The following ADGRL1 variants were observed in gnomAD, a reference collection of about 807,000 sequenced individuals.
The protein encoded by ADGRL1 is adhesion G protein-coupled receptor L1, also known as CIRL-1.
ADGRL1 carries 31 observed loss-of-function variants against 148.9 expected under a neutral mutation model. The observed-to-expected ratio is 0.21, with a 90% CI of 0.16 to 0.28. The LOEUF (loss-of-function observed/expected upper bound fraction) is 0.28, where lower values mean the gene tolerates loss of function less well. ADGRL1 is among the 10% of genes least tolerant of loss of function. The probability of loss-of-function intolerance (pLI) is 1.00; values close to 1 mark genes in which losing one functional copy is unlikely to be tolerated. For synonymous variants in ADGRL1, 937 were observed against 900.3 expected, an observed-to-expected ratio of 1.04 and a Z score of -0.73; for missense variants, 1,521 against 2,058.8, an observed-to-expected ratio of 0.74 and a Z score of 5.05.
At chr19:14,174,775 A>G (rs1212022971) in intron 3 of ADGRL1, among the ~76,000 whole-genome samples, 1 of 149,146 alleles carries the variant, frequency 6.7e-6, no homozygotes, top group Non-Finnish European at 1.5e-5. Flanking sequence ...ACCTCAAGTG[A>G]TCCACCCGCC....
In ADGRL1 at chr19:14,152,853, G is replaced by A. The variant is rs757714064; in HGVS notation, c.3354C>T (p.Pro1118=). The change falls in exon 19 of 23, where the codon CCC becomes CCT. Residue 1118 remains proline, a synonymous_variant. Transcript: ENST00000361434. The surrounding 1 kb of genome is among the most constrained non-coding windows in gnomAD (Gnocchi z 6.1). Reference sequence around the variant, plus strand: ...TCTTGAGGGATCCGTGAGTGCCCCCGGGTGGGGAGCGGATGCAGCAGTAGG... The same window carrying A: ...TCTTGAGGGATCCGTGAGTGCCCCCAGGTGGGGAGCGGATGCAGCAGTAGG... ...RHSYCCIRSP[P]GGTHGSLKTS... The A allele has an allele frequency of 7.4e-6, 12 of 1,614,102 alleles. No individual in the cohort carries two copies. The South Asian group carries it at 8.8e-5, about 12-fold the overall frequency.
intron 3 of ADGRL1, among the ~76,000 whole-genome samples, chr19:14,172,616 G>A (rs1054731799): frequency 2.0e-5 from 3 of 151,046 alleles, no homozygotes; most frequent in East Asian, 2.0e-4. Context: ...GGGGCGCACC[G>A]GTAATCCCAG....
Position 14,163,298 on chromosome 19 carries a change from C to G in ADGRL1, c.503G>C (p.Arg168Pro). The G allele has an allele frequency of 6.2e-7, 1 of 1,613,330 alleles. No individual in the cohort carries two copies. The part of the protein sequence containing the change: ...WCKDPLQAGD[R>P]IYVMPWIPYR... ...GGGGATCCAGGGCATCACGTAGATG[C>G]GGTCACCCGCCTGCAGCGGGTCCTT... is the stretch of plus-strand genomic sequence containing the variant. Residue 168 changes from arginine (R) to proline (P), a missense_variant, in exon 5 of 23, where the codon CGC becomes CCC. Physicochemically the swap from Arg to Pro is moderately radical, Grantham distance 103 (BLOSUM62 -2). Transcript: ENST00000361434.
Position 14,157,038 on chromosome 19 carries a change from A to G in ADGRL1, c.2853T>C (p.Phe951=). The G allele has an allele frequency of 6.2e-7, 1 of 1,614,040 alleles. No individual in the cohort carries two copies. The highest frequency in any genetic ancestry group is 1.7e-5 in the Admixed American group (1 of 60,004). ...VHLYLLLVEV[F]ESEYSRTKYY... The stretch of plus-strand genomic sequence containing the variant: ...ACTTGGTGCGGGAATACTCGCTCTC[A>G]AACACCTCCACTAGTAGCAGGTAGA... Residue 951 remains phenylalanine, a synonymous_variant, in exon 15 of 23, where the codon TTT becomes TTC. Coordinates refer to ENST00000361434, the MANE Select transcript of ADGRL1 (RefSeq NM_014921.5). This position sits in a 1 kb window ranked among gnomAD's most constrained non-coding sequence, Gnocchi z 7.5.
chr19:14,194,767 C>T (rs576964249), intron 1 of ADGRL1, among the ~76,000 whole-genome samples: 1 of 151,712 alleles, frequency 6.6e-6, no homozygotes, highest in East Asian at 2.0e-4. Context: ...CACGCCTGGA[C>T]GTTCTACACC....
At chr19:14,170,510 T>C in intron 4 of ADGRL1, 172 bp downstream of exon 4, 1 of 554,276 alleles carries the variant, frequency 1.8e-6, no homozygotes, top group African/African-American at 1.9e-5. Flanking sequence ...GCACTGAGTG[T>C]GGACACTGGT....
chr19:14,163,132 C>A lies in ADGRL1; in HGVS notation c.669G>T (p.Glu223Asp). 1 of 1,614,054 alleles carries A rather than the reference C, an allele frequency of 6.2e-7. No homozygotes were observed. The highest frequency in any genetic ancestry group is 8.5e-7 in the Non-Finnish European group (1 of 1,180,034). The change falls in exon 5 of 23, where the codon GAG becomes GAT. Residue 223 changes from glutamate to aspartate, a missense_variant. Around this residue, in one of 8 missense-constraint regions of ADGRL1, gnomAD observed 334 missense variants for 512.5 expected, o/e 0.65. Transcript: ENST00000361434. ...CATACTTGACGATGTTGCGCGTGCG[C>A]TCCTTGTTGTAGAAGACGGCACCAT... ...VYDGAVFYNK[E>D]RTRNIVKYDL...
At chr19:14,154,683 T>G (rs888099971) in intron 18 of ADGRL1, among the ~76,000 whole-genome samples, 1 of 152,030 alleles carries the variant, frequency 6.6e-6, no homozygotes, top group Non-Finnish European at 1.5e-5. Context: ...CTTGGCTCAC[T>G]GCAACCTCTG....
In ADGRL1 at chr19:14,160,243, G is replaced by C. The variant is rs1466587136; in HGVS notation, c.1669C>G (p.Arg557Gly). ...ACGTCCCCCGCGTAGATGGAGCCCC[G>C]GGTGTGTCGGGCCAGCTCGCTGGCG... is the stretch of plus-strand genomic sequence containing the variant. ...NIASELARHTRGSIYAGDVSS... is the reference protein window; with the variant it reads ...NIASELARHTGGSIYAGDVSS... The change falls in exon 8 of 23, where the codon CGG becomes GGG. Residue 557 changes from arginine to glycine, a missense_variant. By Grantham distance (125) the Arg-to-Gly change is moderately radical. This residue lies in a region of ADGRL1 where 270 missense variants were observed against 320.4 expected (regional missense o/e 0.84). Transcript: ENST00000361434. The surrounding 1 kb of genome is among the most constrained non-coding windows in gnomAD (Gnocchi z 5.9). 2.5e-6 allele frequency: 4 copies of C among 1,597,402 alleles called. No individual in the cohort carries two copies. Among genetic ancestry groups the C allele is most frequent in the Admixed American group, 1.7e-5 (1 of 59,752 alleles).
At chr19:14,203,832 A>G (rs1972779186) in intron 1 of ADGRL1, among the ~76,000 whole-genome samples, 1 of 137,152 alleles carries the variant, frequency 7.3e-6, no homozygotes, top group Admixed American at 7.3e-5. Flanking sequence ...GCAAGCGCCC[A>G]GAAGTGGGGA....
rs1968366825 is a variant in ADGRL1, at chr19:14,152,975, C to T, written c.3295-63G>A. On this transcript the variant is annotated intron_variant, in intron 18 of 22. Transcript: ENST00000361434. This position sits in a 1 kb window ranked among gnomAD's most constrained non-coding sequence, Gnocchi z 6.1. The stretch of plus-strand genomic sequence containing the variant: ...GCCTCCTCTGTGATCCAGTCTCCCA[C>T]AGGGCTGGTCACAAGACAGGCAGCC... 6.3e-7 allele frequency: 1 copy of T among 1,582,024 alleles called. No individual in the cohort carries two copies. The highest frequency in any genetic ancestry group is 1.1e-5 in the South Asian group (1 of 88,022).
intron 2 of ADGRL1, among the ~76,000 whole-genome samples, chr19:14,181,788 C>T (rs1971215637): frequency 6.6e-6 from 1 of 152,168 alleles, no homozygotes; most frequent in Non-Finnish European, 1.5e-5. Context: ...GTTTCCCAAT[C>T]TGTAAAATGA....
In ADGRL1 at chr19:14,151,371, A is replaced by G; in HGVS notation, c.3912T>C (p.Pro1304=). 6.2e-7 allele frequency: 1 copy of G among 1,602,082 alleles called. No homozygotes were observed. The highest frequency in any genetic ancestry group is 1.3e-5 in the African/African-American group (1 of 74,688). ...CCCCGCCCCCTGGCACAGGTGGCAC[A>G]GGGGGCTCAGGCGGTGGAGGGCCCT... ...AAKGPPPPEP[P]VPPVPGGGGE... is the part of the protein sequence containing the mutation. Residue 1304 remains proline, a synonymous_variant, in exon 23 of 23, where the codon CCT becomes CCC. Transcript: ENST00000361434.
chr19:14,184,822 G>A (rs1158975477), intron 1 of ADGRL1, among the ~76,000 whole-genome samples: 2 of 151,550 alleles, frequency 1.3e-5, no homozygotes, highest in Non-Finnish European at 2.9e-5. Context: ...TGTATTTTTA[G>A]TCGAGATGGG....
intron 1 of ADGRL1, among the ~76,000 whole-genome samples, chr19:14,200,503 AAGAAG>A (rs1972529868): frequency 2.0e-5 from 3 of 151,350 alleles, no homozygotes; most frequent in South Asian, 2.1e-4. Context: ...GACTGAAGAG[AAGAAG>A]AGAAAAGAGA....
At chr19:14,176,037 G>C (rs1205023557) in intron 3 of ADGRL1, among the ~76,000 whole-genome samples, 2 of 150,230 alleles carry the variant, frequency 1.3e-5, no homozygotes, top group Non-Finnish European at 1.5e-5. Context: ...CTGGGCGACA[G>C]AGCAAGATTC....
At chr19:14,163,510 G>A in intron 4 of ADGRL1, 104 bp from the exon 5 acceptor site, 1 of 824,246 alleles carries the variant, frequency 1.2e-6, no homozygotes, top group South Asian at 1.8e-5. Flanking sequence ...GGGGAGAGAG[G>A]CAAGTTGGTC....
intron 1 of ADGRL1, among the ~76,000 whole-genome samples, chr19:14,198,370 C>T (rs1972400380): frequency 6.6e-6 from 1 of 151,962 alleles, no homozygotes; most frequent in African/African-American, 2.4e-5. Context: ...TACTCTCTAC[C>T]CCACCTGTCC....
In ADGRL1 at chr19:14,162,654, A is replaced by C. The variant is rs1187910297; in HGVS notation, c.1147T>G (p.Phe383Val). 2 of 1,613,526 alleles carry C rather than the reference A, an allele frequency of 1.2e-6. No individual in the cohort carries two copies. Among genetic ancestry groups the C allele is most frequent in the Middle Eastern group, 3.3e-4 (2 of 6,062 alleles). The change falls in exon 5 of 23, where the codon TTC becomes GTC. Residue 383 changes from phenylalanine (F) to valine (V), a missense_variant. Physicochemically the swap from Phe to Val is conservative, Grantham distance 50 (BLOSUM62 -1). Coordinates refer to ENST00000361434, the MANE Select transcript of ADGRL1 (RefSeq NM_014921.5). The surrounding 1 kb of genome is among the most constrained non-coding windows in gnomAD (Gnocchi z 5.4). ...DNQLYVWNNY[F>V]VVRYSLEFGP... is the part of the protein sequence containing the mutation. ...AACTCCAGGCTGTAGCGCACCACGA[A>C]ATAGTTGTTCCAGACGTACAGCTGG...
Sources: allele counts gnomAD v4.1 joint callset (sites outside exome capture counted in the v4.1 genomes callset), GRCh38; gene constraint gnomAD v4.1.1; regional missense constraint gnomAD v4.1.1; non-coding constraint Gnocchi (gnomAD v3.1); transcripts MANE v1.5; gene names NCBI Gene and HGNC (gene_info 2026-07-23, HGNC 2026-07-21).